DNAH12: variants seen among roughly 807,000 people sequenced by gnomAD.
The protein encoded by DNAH12 is dynein axonemal heavy chain 12, also known as axonemal beta dynein heavy chain 12.
In DNAH12, 285 loss-of-function variants were observed where a neutral mutation model predicts 371.5. That is an observed-to-expected ratio of 0.77 (90% CI 0.70 to 0.85). The LOEUF (loss-of-function observed/expected upper bound fraction) is 0.85, where lower values mean the gene tolerates loss of function less well. Among genes scored for constraint, DNAH12 ranks in the 40% least tolerant of loss-of-function variants. DNAH12 has a pLI of 0.00. For synonymous variants in DNAH12, 1,200 were observed against 1,213.0 expected, an observed-to-expected ratio of 0.99 and a Z score of 0.22; for missense variants, 3,611 against 3,689.4, an observed-to-expected ratio of 0.98 and a Z score of 0.55.
At chr3:57,391,300 C>T (rs1209826464) in intron 45 of DNAH12, among the ~76,000 whole-genome samples, 3 of 152,122 alleles carry the variant, frequency 2.0e-5, no homozygotes, top group Non-Finnish European at 4.4e-5. Flanking sequence ...TGCTGACCCT[C>T]CCCCAAATTC....
At chr3:57,385,816 A>G (rs1419441365) in intron 47 of DNAH12, among the ~76,000 whole-genome samples, 1 of 152,098 alleles carries the variant, frequency 6.6e-6, no homozygotes, top group Non-Finnish European at 1.5e-5. Flanking sequence ...CGGGAGGTGG[A>G]GCTGCAGTGA....
At chr3:57,397,779 C>A (rs1247453599) in intron 43 of DNAH12, among the ~76,000 whole-genome samples, 2 of 152,144 alleles carry the variant, frequency 1.3e-5, no homozygotes, top group Admixed American at 6.6e-5. Context: ...TGAAAGGTCC[C>A]AGAACCTCTA....
At chr3:57,322,576 A>G in intron 64 of DNAH12, 93 bp from the exon 65 acceptor site, 1 of 1,345,792 alleles carries the variant, frequency 7.4e-7, no homozygotes, top group Non-Finnish European at 9.9e-7. Flanking sequence ...GGCATAATGG[A>G]GAACTCCAGA....
intron 60 of DNAH12, among the ~76,000 whole-genome samples, chr3:57,335,606 G>A (rs146230979): frequency 3.9e-5 from 6 of 152,318 alleles, no homozygotes; most frequent in African/African-American, 9.6e-5. Flanking sequence ...AATACAGTAA[G>A]CAGCTGTAAC....
chr3:57,524,569 C>T (rs940971913), intron 2 of DNAH12, among the ~76,000 whole-genome samples: 1 of 151,880 alleles, frequency 6.6e-6, no homozygotes, highest in African/African-American at 2.4e-5. Flanking sequence ...CAACAAATCT[C>T]AAGGACTGAT....
chr3:57,296,819 T>C (rs1019663783), intron 71 of DNAH12, 28 bp downstream of exon 71: 3 of 1,549,356 alleles, frequency 1.9e-6, no homozygotes, highest in Non-Finnish European at 8.7e-7. Context: ...TGTAATGATA[T>C]ACTGTTGACT....
At chr3:57,296,563 AT>A (rs1331632736) in intron 71 of DNAH12, 128 bp from the exon 72 acceptor site, 2 of 799,230 alleles carry the variant, frequency 2.5e-6, no homozygotes, top group South Asian at 2.1e-5. Context: ...TAAACTATAC[AT>A]TTTTTCAGCC....
intron 34 of DNAH12, among the ~76,000 whole-genome samples, chr3:57,426,998 T>C (rs1240831309): frequency 1.3e-5 from 2 of 152,182 alleles, no homozygotes; most frequent in East Asian, 3.8e-4. Flanking sequence ...GAAGACACTA[T>C]ACAGAATCTT....
Position 57,446,661 on chromosome 3 carries a change from C to T in DNAH12, c.3815G>A (p.Gly1272Asp). Residue 1272 changes from glycine to aspartate, a missense_variant, in exon 26 of 74, where the codon GGT (glycine) becomes GAT (aspartate). Physicochemically the swap from Gly to Asp is moderately conservative, Grantham distance 94. Transcript: ENST00000495027. ...LIGAFYLNLG[G>D]APEGPAGTGK... is the part of the protein sequence containing the mutation. ...TGTGCCTGCTGGCCCCTCTGGAGCACCTCCAAGGTTTAAATAGAAAGCACC... is the reference window on the plus strand; with the variant it reads ...TGTGCCTGCTGGCCCCTCTGGAGCATCTCCAAGGTTTAAATAGAAAGCACC... The T allele has an allele frequency of 6.5e-7, 1 of 1,530,482 alleles. No homozygotes were observed. The highest frequency in any genetic ancestry group is 8.8e-7 in the Non-Finnish European group (1 of 1,138,832). 94.8% of individuals were successfully genotyped at this position (1,530,482 alleles called of 1,614,324 possible).
At chr3:57,499,673 T>TATATATACACACACACAC (rs771112538) in intron 11 of DNAH12, among the ~76,000 whole-genome samples, 1 of 44,454 alleles carries the variant, frequency 2.2e-5, no homozygotes. Context: ...TATATATATA[T>TATATATACACACACACAC]ATACTTCTTA....
At chr3:57,478,579 C>T (rs1035658546) in intron 13 of DNAH12, among the ~76,000 whole-genome samples, 2 of 152,076 alleles carry the variant, frequency 1.3e-5, no homozygotes, top group Admixed American at 6.5e-5. Context: ...CAGAATTCCA[C>T]CAAGATACTC....
intron 2 of DNAH12, among the ~76,000 whole-genome samples, chr3:57,535,121 C>T (rs1325142165): frequency 1.3e-5 from 2 of 152,176 alleles, no homozygotes; most frequent in Non-Finnish European, 2.9e-5. Context: ...TAATAAGCTG[C>T]AGAGATGGTA....
rs2062379703 is a variant in DNAH12, at chr3:57,340,960, A to G, written c.9675-6020T>C. 2.0e-5 allele frequency among the ~76,000 whole-genome samples: 3 copies of G among 152,242 alleles called. No homozygotes were observed. The South Asian group carries it at 6.2e-4, about 31-fold the overall frequency. On this transcript the variant is annotated intron_variant, in intron 60 of 73. Coordinates refer to ENST00000495027, the MANE Select transcript of DNAH12 (RefSeq NM_001366028.2). ...TCATACACTATTATCAAGTGGATTT[A>G]TCCTAGGGATGCAAGGATTATTCAA...
At chr3:57,444,932 G>A in intron 28 of DNAH12, 116 bp from the exon 29 acceptor site, 24 of 1,017,518 alleles carry the variant, frequency 2.4e-5, no homozygotes, top group Non-Finnish European at 2.7e-5. Context: ...AAAAGTCAAA[G>A]TTTATTTTAC....
rs927052806 is a variant in DNAH12 at position 57,388,490 on chromosome 3, G to T, written c.7306-1271C>A. 2.9e-3 allele frequency among the ~76,000 whole-genome samples: 433 copies of T among 151,480 alleles called. 2 individuals carry two copies. Among genetic ancestry groups the T allele is most frequent in the African/African-American group, 9.9e-3 (409 of 41,226 alleles). Reference sequence around the variant, plus strand: ...TTGGTGTCTAGCCTAAGCACATACTGCCAGTGTATGCATTTTTTATTAATA... The same window carrying T: ...TTGGTGTCTAGCCTAAGCACATACTTCCAGTGTATGCATTTTTTATTAATA... On this transcript the variant is annotated intron_variant, in intron 45 of 73. Coordinates refer to ENST00000495027, the MANE Select transcript of DNAH12 (RefSeq NM_001366028.2).
At chr3:57,362,328 C>T (rs1465347504) in intron 58 of DNAH12, among the ~76,000 whole-genome samples, 3 of 152,232 alleles carry the variant, frequency 2.0e-5, no homozygotes, top group East Asian at 1.9e-4. Flanking sequence ...AATAAACATA[C>T]GTGTGCATGT....
intron 11 of DNAH12, among the ~76,000 whole-genome samples, chr3:57,491,315 T>C (rs951203442): frequency 2.6e-5 from 4 of 152,044 alleles, no homozygotes; most frequent in African/African-American, 9.7e-5. Context: ...GGGTAATAGT[T>C]ACCAATAAAG....
chr3:57,438,737 G>A (rs1374222873), intron 29 of DNAH12, among the ~76,000 whole-genome samples: 1 of 151,842 alleles, frequency 6.6e-6, no homozygotes, highest in East Asian at 1.9e-4. Context: ...TGGATCATTT[G>A]AGGTCAGAGG....
intron 62 of DNAH12, among the ~76,000 whole-genome samples, chr3:57,330,262 A>C: frequency 6.6e-6 from 1 of 151,488 alleles, no homozygotes; most frequent in Admixed American, 6.6e-5. Context: ...ACACATGCAC[A>C]CGTATGTTTA....
Sources: gnomAD v4.1 joint callset for allele counts (sites outside exome capture counted in the v4.1 genomes callset) on GRCh38, gnomAD v4.1.1 for gene constraint, MANE v1.5 for transcripts, NCBI Gene and HGNC (gene_info 2026-07-23, HGNC 2026-07-21) for gene names.